DGKI: variants seen among roughly 807,000 people sequenced by gnomAD.
The protein encoded by DGKI is diacylglycerol kinase iota.
In DGKI, 55 loss-of-function variants were observed where a neutral mutation model predicts 147.5. That is an observed-to-expected ratio of 0.37 (90% CI 0.30 to 0.47). The LOEUF (loss-of-function observed/expected upper bound fraction) is 0.47, where lower values mean the gene tolerates loss of function less well. Among genes scored for constraint, DGKI ranks in the 20% least tolerant of loss-of-function variants. DGKI has a pLI of 1.00. For synonymous variants in DGKI, 469 were observed against 477.1 expected (o/e 0.98, Z 0.22); for missense variants, 1,007 against 1,323.8 (o/e 0.76, Z 3.71).
intron 12 of DGKI, among the ~76,000 whole-genome samples, chr7:137,588,766 G>A (rs7807128): frequency 0.029 from 4,470 of 152,196 alleles, 102 homozygotes; most frequent in South Asian, 0.07. Flanking sequence ...GTGAGCCACC[G>A]TGCCAGGCCC....
intron 27 of DGKI, among the ~76,000 whole-genome samples, chr7:137,460,701 G>A (rs1342880261): frequency 6.6e-6 from 1 of 152,090 alleles, no homozygotes; most frequent in Non-Finnish European, 1.5e-5. Flanking sequence ...TTGGATTTTG[G>A]AGCATTTCAG....
chr7:137,412,913 G>A (rs1204464286), intron 28 of DGKI, among the ~76,000 whole-genome samples: 6 of 152,160 alleles, frequency 3.9e-5, no homozygotes, highest in East Asian at 3.9e-4. Flanking sequence ...TTAGGAATAC[G>A]TAGCCTTAGG....
chr7:137,816,399 A>G (rs1797738457), intron 1 of DGKI, among the ~76,000 whole-genome samples: 1 of 152,236 alleles, frequency 6.6e-6, no homozygotes, highest in Non-Finnish European at 1.5e-5. Flanking sequence ...GATTGAGTTA[A>G]TACATGCAAA....
rs1359338665 is a variant in DGKI, at chr7:137,386,753, C to T, written c.*4467G>A. The T allele has an allele frequency of 1.3e-5, 2 of 151,978 alleles. No homozygotes were observed. Among genetic ancestry groups the T allele is most frequent in the African/African-American group, 4.8e-5 (2 of 41,386 alleles). The allele number at this position is 151,978 out of a possible 1,614,324, so 9.4% of individuals were successfully genotyped here. A position where few individuals can be genotyped will look rare whatever the true frequency, so the allele number is the denominator to read the frequency against. ...ACCTGGCAGAGAAGGACCTGTAGGACTTCTAATCAGCTGAGTATGAGATTC... is the reference window on the plus strand; with the variant it reads ...ACCTGGCAGAGAAGGACCTGTAGGATTTCTAATCAGCTGAGTATGAGATTC... On this transcript the variant is annotated 3_prime_UTR_variant, in exon 33 of 33. Coordinates refer to ENST00000614521, the MANE Select transcript of DGKI (RefSeq NM_001321708.2).
intron 1 of DGKI, among the ~76,000 whole-genome samples, chr7:137,744,936 T>G (rs1040491103): frequency 6.6e-6 from 1 of 152,130 alleles, no homozygotes; most frequent in Non-Finnish European, 1.5e-5. Flanking sequence ...GCCAACATCA[T>G]GCTGAATGTG....
intron 1 of DGKI, among the ~76,000 whole-genome samples, chr7:137,800,802 A>G (rs1397935446): frequency 6.6e-6 from 1 of 152,160 alleles, no homozygotes; most frequent in East Asian, 1.9e-4. Flanking sequence ...TTCAAGTATG[A>G]CCTTAACATT....
intron 20 of DGKI, among the ~76,000 whole-genome samples, chr7:137,539,135 C>T (rs1345395644): frequency 2.0e-5 from 3 of 152,152 alleles, no homozygotes; most frequent in Admixed American, 1.3e-4. Flanking sequence ...CTTCTGGCAC[C>T]TAAAATTAGG....
In DGKI at chr7:137,600,001, A is replaced by G. The variant is rs973023183; in HGVS notation, c.1168-96T>C. 8 of 1,103,054 alleles carry G rather than the reference A, an allele frequency of 7.3e-6. No homozygotes were observed. In the Admixed American group the frequency reaches 1.6e-4, roughly 22 times the overall value. The allele number at this position is 1,103,054 out of a possible 1,614,324, so 68.3% of individuals were successfully genotyped here. ...AATAAATACTTTTATTTAAAATAATACACAGGGCACGGTGGCACACGCCTG... is the reference window on the plus strand; with the variant it reads ...AATAAATACTTTTATTTAAAATAATGCACAGGGCACGGTGGCACACGCCTG... On this transcript the variant is annotated intron_variant, in intron 10 of 32. Transcript: ENST00000614521.
intron 21 of DGKI, among the ~76,000 whole-genome samples, chr7:137,488,841 A>G (rs937449446): frequency 1.3e-5 from 2 of 152,146 alleles, no homozygotes; most frequent in Admixed American, 6.6e-5. Context: ...CAAAAAAATG[A>G]TAAGTATAAC....
At chr7:137,391,866 G>T (rs764390550) in intron 32 of DGKI, among the ~76,000 whole-genome samples, 5 of 152,080 alleles carry the variant, frequency 3.3e-5, no homozygotes, top group Non-Finnish European at 7.4e-5. Flanking sequence ...TTCAGACTTG[G>T]GCTATTTCAT....
intron 23 of DGKI, among the ~76,000 whole-genome samples, chr7:137,477,506 C>CA (rs1157039020): frequency 5.9e-5 from 9 of 152,122 alleles, no homozygotes; most frequent in African/African-American, 2.2e-4. Context: ...AAATATATAC[C>CA]ATGGAATAGA....
chr7:137,620,015 A>ACACT, intron 7 of DGKI, 75 bp from the exon 8 acceptor site: 90 of 701,678 alleles, frequency 1.3e-4, no homozygotes, highest in Middle Eastern at 3.7e-4. Flanking sequence ...AAATATGTAC[A>ACACT]CACGCACACA....
chr7:137,832,725 C>T (rs1256749114), intron 1 of DGKI, among the ~76,000 whole-genome samples: 1 of 152,208 alleles, frequency 6.6e-6, no homozygotes, highest in Non-Finnish European at 1.5e-5. Flanking sequence ...ATTTCTGCAG[C>T]CAGCTTGAAT....
intron 20 of DGKI, among the ~76,000 whole-genome samples, chr7:137,539,210 A>G (rs554818133): frequency 2.0e-5 from 3 of 152,260 alleles, no homozygotes; most frequent in African/African-American, 7.2e-5. Flanking sequence ...AGAAACTATC[A>G]TTGCTTCTTT....
chr7:137,787,728 A>C (rs756793820), intron 1 of DGKI, among the ~76,000 whole-genome samples: 7 of 152,208 alleles, frequency 4.6e-5, no homozygotes, highest in Non-Finnish European at 1.0e-4. Context: ...TCAATCAATG[A>C]GTGGATAAAG....
intron 1 of DGKI, among the ~76,000 whole-genome samples, chr7:137,710,123 T>C (rs2116560847): frequency 6.6e-6 from 1 of 152,090 alleles, no homozygotes; most frequent in Non-Finnish European, 1.5e-5. Context: ...TTTAAAGACA[T>C]ATTAGAAAGT....
At chr7:137,394,466 T>C (rs1449177617) in intron 32 of DGKI, among the ~76,000 whole-genome samples, 2 of 152,164 alleles carry the variant, frequency 1.3e-5, no homozygotes, top group East Asian at 1.9e-4. Flanking sequence ...TTCTTTCTTA[T>C]AGGCTGAGCC....
chr7:137,404,597 C>G (rs775106762), intron 30 of DGKI, among the ~76,000 whole-genome samples: 5 of 152,132 alleles, frequency 3.3e-5, no homozygotes. Flanking sequence ...TATTAGAGAT[C>G]CTGGTGAGGC....
intron 10 of DGKI, among the ~76,000 whole-genome samples, chr7:137,600,544 G>T (rs1365877686): frequency 1.3e-5 from 2 of 152,044 alleles, no homozygotes; most frequent in Non-Finnish European, 2.9e-5. Context: ...AATGCAGTAA[G>T]CCCTTAATGA....
Sources: allele counts gnomAD v4.1 joint callset (sites outside exome capture counted in the v4.1 genomes callset), GRCh38; gene constraint gnomAD v4.1.1; transcripts MANE v1.5; gene names NCBI Gene and HGNC (gene_info 2026-07-23, HGNC 2026-07-21).